Variants in TACC2 observed in about 807,000 individuals in gnomAD.
TACC2 encodes transforming acidic coiled-coil containing protein 2.
TACC2 carries 137 observed loss-of-function variants against 227.3 expected under a neutral mutation model. The observed-to-expected ratio is 0.60, with a 90% CI of 0.52 to 0.69. The LOEUF (loss-of-function observed/expected upper bound fraction) is 0.69. Among genes scored for constraint, TACC2 ranks in the 30% least tolerant of loss-of-function variants. The pLI is 0.00. For synonymous variants in TACC2, 1,523 were observed against 1,487.5 expected, an observed-to-expected ratio of 1.02 and a Z score of -0.55; for missense variants, 3,470 against 3,694.4, an observed-to-expected ratio of 0.94 and a Z score of 1.57.
intron 2 of TACC2, among the ~76,000 whole-genome samples, chr10:122,045,995 A>T (rs2074937657): frequency 6.6e-6 from 1 of 150,462 alleles, no homozygotes; most frequent in African/African-American, 2.5e-5. Flanking sequence ...ACATGGTGAG[A>T]CCCCCATCTC....
chr10:122,039,819 GCTATTGA>G (rs2074026376), intron 2 of TACC2, among the ~76,000 whole-genome samples: 1 of 78,584 alleles, frequency 1.3e-5, no homozygotes, highest in Admixed American at 1.6e-4. Context: ...CAGCACAAAT[GCTATTGA>G]AACTCTGAAT....
At chr10:122,171,851 G>A (rs1423666121) in intron 7 of TACC2, among the ~76,000 whole-genome samples, 1 of 152,238 alleles carries the variant, frequency 6.6e-6, no homozygotes, top group African/African-American at 2.4e-5. Flanking sequence ...CCTTGGCCAG[G>A]CCCTTCCATG....
At chr10:122,091,687 AG>A (rs2080838467) in intron 5 of TACC2, among the ~76,000 whole-genome samples, 1 of 152,002 alleles carries the variant, frequency 6.6e-6, no homozygotes, top group East Asian at 1.9e-4. Context: ...ATCCACCATG[AG>A]GAAGCCGTGC....
At chr10:122,026,645 C>T (rs549728908) in intron 2 of TACC2, among the ~76,000 whole-genome samples, 11 of 152,272 alleles carry the variant, frequency 7.2e-5, no homozygotes, top group African/African-American at 2.4e-4. Context: ...TCCCACACCT[C>T]TCAATCCCTG....
intron 7 of TACC2, among the ~76,000 whole-genome samples, chr10:122,146,284 C>CA (rs545873634): frequency 1.8e-4 from 25 of 142,262 alleles, no homozygotes; most frequent in Admixed American, 9.8e-4. Context: ...AGGTCCATCT[C>CA]AAAAAAAAAA....
intron 8 of TACC2, among the ~76,000 whole-genome samples, chr10:122,206,645 G>A (rs2095120274): frequency 6.6e-6 from 1 of 152,164 alleles, no homozygotes; most frequent in Non-Finnish European, 1.5e-5. Context: ...CCTTGGTGAT[G>A]GCAGCCCAGC....
At chr10:122,013,029 C>T (rs1261790622) in intron 1 of TACC2, among the ~76,000 whole-genome samples, 1 of 152,140 alleles carries the variant, frequency 6.6e-6, no homozygotes, top group Non-Finnish European at 1.5e-5. Flanking sequence ...TGCAGAGTCC[C>T]CCAACATCTG....
intron 5 of TACC2, among the ~76,000 whole-genome samples, chr10:122,122,042 A>T (rs1045544117): frequency 6.6e-6 from 1 of 151,974 alleles, no homozygotes; most frequent in Non-Finnish European, 1.5e-5. Flanking sequence ...TTGAGTCTCG[A>T]TCTCCTCTCC....
intron 1 of TACC2, among the ~76,000 whole-genome samples, chr10:122,016,516 G>A (rs543740752): frequency 1.3e-5 from 2 of 149,408 alleles, no homozygotes; most frequent in East Asian, 2.0e-4. Context: ...GCAGTGAGCC[G>A]AGATTGCACC....
chr10:122,227,948 A>T lies in TACC2; in HGVS notation c.7836A>T (p.Lys2612Asn). The T allele has an allele frequency of 1.2e-6, 2 of 1,614,232 alleles. No individual in the cohort carries two copies. The highest frequency in any genetic ancestry group is 1.7e-6 in the Non-Finnish European group (2 of 1,180,042). The stretch of plus-strand genomic sequence containing the variant: ...AGTCACACTTGCAGGTGCCAGAGAA[A>T]TCCTCCCAGAAGGAGCTGGAGGCCA... ...NQESHLQVPE[K>N]SSQKELEAMG... Residue 2612 changes from lysine (K) to asparagine (N), a missense_variant, in exon 14 of 23, where the codon AAA becomes AAT. Lys to Asn is a moderately conservative substitution (Grantham distance 94). This residue lies in a region of TACC2 where 345 missense variants were observed against 354.4 expected (regional missense o/e 0.97). Coordinates refer to ENST00000369005, the MANE Select transcript of TACC2 (RefSeq NM_206862.4).
At chr10:122,245,374 A>G (rs2096088727) in intron 19 of TACC2, among the ~76,000 whole-genome samples, 1 of 152,122 alleles carries the variant, frequency 6.6e-6, no homozygotes, top group Non-Finnish European at 1.5e-5. Context: ...AAAAAGGGTT[A>G]GGTTGAGAGG....
intron 1 of TACC2, among the ~76,000 whole-genome samples, chr10:122,006,571 A>G (rs1469252941): frequency 6.6e-6 from 1 of 152,126 alleles, no homozygotes; most frequent in Non-Finnish European, 1.5e-5. Context: ...TTGAAATCTA[A>G]TAGTTTCACT....
intron 3 of TACC2, among the ~76,000 whole-genome samples, chr10:122,058,470 G>A (rs1305388541): frequency 2.0e-5 from 3 of 152,136 alleles, no homozygotes; most frequent in African/African-American, 2.4e-5. Context: ...GTGCAGTGGC[G>A]CGATCTTGGC....
chr10:122,171,519 A>T (rs752479976), intron 7 of TACC2, among the ~76,000 whole-genome samples: 9 of 152,252 alleles, frequency 5.9e-5, no homozygotes, highest in Non-Finnish European at 7.3e-5. Flanking sequence ...GTGGAGTTCC[A>T]GAGTCTGCGG....
At chr10:122,121,655 A>C (rs967795780) in intron 5 of TACC2, among the ~76,000 whole-genome samples, 3 of 152,214 alleles carry the variant, frequency 2.0e-5, no homozygotes, top group Admixed American at 2.0e-4. Context: ...GCAAATGTGC[A>C]CTTTGACGTG....
Position 122,085,915 on chromosome 10 carries a change from G to C in TACC2, c.3415G>C (p.Gly1139Arg), listed in dbSNP as rs764750855. 2 of 1,613,232 alleles carry C rather than the reference G, an allele frequency of 1.2e-6. No homozygotes were observed. The highest frequency in any genetic ancestry group is 1.3e-5 in the African/African-American group (1 of 74,928). Reference sequence around the variant, plus strand: ...TGAGACTGGTGGCAGCGCTGGTGCAGGAGACCCAGGAAAGCAGCAGGCTCC... The same window carrying C: ...TGAGACTGGTGGCAGCGCTGGTGCACGAGACCCAGGAAAGCAGCAGGCTCC... ...AAETGGSAGAGDPGKQQAPEK... is the reference protein window; with the variant it reads ...AAETGGSAGARDPGKQQAPEK... Residue 1139 changes from glycine (G) to arginine (R), a missense_variant, in exon 4 of 23, where the codon GGA becomes CGA. Transcript: ENST00000369005.
intron 1 of TACC2, among the ~76,000 whole-genome samples, chr10:122,014,491 A>G (rs12774140): frequency 0.46 from 69,261 of 151,962 alleles, 15,940 homozygotes; most frequent in South Asian, 0.6. Context: ...GATTACAGGC[A>G]TGAGCCACCA....
intron 5 of TACC2, among the ~76,000 whole-genome samples, chr10:122,129,663 A>G (rs1408750987): frequency 6.6e-6 from 1 of 152,156 alleles, no homozygotes; most frequent in Non-Finnish European, 1.5e-5. Context: ...GTTTGCCTGT[A>G]GTTTAGGATT....
chr10:122,037,552 C>T (rs181568696), intron 2 of TACC2, among the ~76,000 whole-genome samples: 29 of 152,322 alleles, frequency 1.9e-4, no homozygotes, highest in South Asian at 8.3e-4. Flanking sequence ...AACTGACAAG[C>T]GAAGGACTGG....
Sources: allele counts gnomAD v4.1 joint callset (sites outside exome capture counted in the v4.1 genomes callset), GRCh38; gene constraint gnomAD v4.1.1; regional missense constraint gnomAD v4.1.1; transcripts MANE v1.5; gene names NCBI Gene and HGNC (gene_info 2026-07-23, HGNC 2026-07-21).